Variants in DCAF7 observed in about 807,000 individuals in gnomAD.
DCAF7 encodes the protein DDB1- and CUL4-associated factor 7.
DCAF7 carries 4 observed loss-of-function variants against 41.2 expected under a neutral mutation model. The ratio of observed to expected loss-of-function variants is 0.10; its 90% CI spans 0.05 to 0.22. The LOEUF is 0.22. DCAF7 is among the 10% of genes least tolerant of loss of function. The pLI, the probability that DCAF7 is intolerant of heterozygous loss-of-function variation, is 1.00. For missense variants in DCAF7, 131 were observed against 443.2 expected (o/e 0.30, Z 6.32); for synonymous variants, 143 against 164.2 (o/e 0.87, Z 0.99).
Position 63,572,983 on chromosome 17 carries a change from G to A in DCAF7, c.139-5487G>A, listed in dbSNP as rs754273348. The stretch of plus-strand genomic sequence containing the variant: ...TCACCATGTTGCCCAGTCTAGTCTC[G>A]AATTCCTGGGCTCAAGCCATCCACC... On this transcript the variant is annotated intron_variant, in intron 1 of 6. Coordinates refer to ENST00000614556, the MANE Select transcript of DCAF7 (RefSeq NM_005828.5). Among the ~76,000 whole-genome samples the A allele has an allele frequency of 4.6e-5, 7 of 152,108 alleles. No individual in the cohort carries two copies. The South Asian group carries it at 6.2e-4, about 14-fold the overall frequency.
rs189505261 is a variant in DCAF7, at chr17:63,589,473, T to C, written c.*301T>C. On this transcript the variant is annotated 3_prime_UTR_variant, in exon 7 of 7. Transcript: ENST00000614556. ...GTATATTTGTTTGTCAGGCGTTGTG[T>C]TGAGGAGCAGTTCACGCACTGGCTG... is the stretch of plus-strand genomic sequence containing the variant. 104 of 409,984 alleles carry C rather than the reference T, an allele frequency of 2.5e-4. No individual in the cohort carries two copies. The highest frequency in any genetic ancestry group is 1.9e-3 in the African/African-American group (95 of 49,002). The allele number at this position is 409,984 out of a possible 1,614,324, so 25.4% of individuals were successfully genotyped here.
At chr17:63,563,030 T>A (rs1255302701) in intron 1 of DCAF7, among the ~76,000 whole-genome samples, 5 of 152,116 alleles carry the variant, frequency 3.3e-5, no homozygotes, top group African/African-American at 1.2e-4. Context: ...CTCGCCATAT[T>A]GCCCAGGCTG....
rs1329045172 is a variant in DCAF7 at position 63,578,704 on chromosome 17, AC to A, written c.297+77del. 4 of 1,594,132 alleles carry A rather than the reference AC, an allele frequency of 2.5e-6. No homozygotes were observed. The African/African-American group carries it at 5.4e-5, about 21-fold the overall frequency. Reference sequence around the variant, plus strand: ...GCTGTTAGCAGTGAAAAGTCACAGAACAGACAGGGGTCAGAGGCAGCGAGTG... The same window carrying A: ...GCTGTTAGCAGTGAAAAGTCACAGAAAGACAGGGGTCAGAGGCAGCGAGTG... On this transcript the variant is annotated intron_variant, in intron 2 of 6. Coordinates refer to ENST00000614556, the MANE Select transcript of DCAF7 (RefSeq NM_005828.5).
chr17:63,582,681 G>A (rs1381761858), intron 4 of DCAF7, among the ~76,000 whole-genome samples: 2 of 152,072 alleles, frequency 1.3e-5, no homozygotes, highest in Non-Finnish European at 2.9e-5. Context: ...GGGTTGGCCC[G>A]GATGGTCTTG....
chr17:63,580,049 AT>A, intron 4 of DCAF7, 106 bp downstream of exon 4: 1 of 785,956 alleles, frequency 1.3e-6, no homozygotes, highest in South Asian at 1.6e-5. Context: ...GTAGAAAATC[AT>A]AACATAACAT....
chr17:63,586,948 A>G lies in DCAF7; in HGVS notation c.856+1620A>G, dbSNP rs114490913. On this transcript the variant is annotated intron_variant, in intron 6 of 6. Transcript: ENST00000614556. ...CATAGATGACCTCTATCAACAGGTA[A>G]TGTGTCTCCTTCCAGACCCTTTTGG... is the stretch of plus-strand genomic sequence containing the variant. Among the ~76,000 whole-genome samples, 891 of 152,202 alleles carry G rather than the reference A, an allele frequency of 5.9e-3. 8 individuals carry two copies. Among genetic ancestry groups the G allele is most frequent in the African/African-American group, 0.02 (851 of 41,526 alleles).
In DCAF7 at chr17:63,550,927, A is replaced by G; in HGVS notation, c.138+112A>G. 1 of 1,466,518 alleles carries G rather than the reference A, an allele frequency of 6.8e-7. No homozygotes were observed. Among genetic ancestry groups the G allele is most frequent in the East Asian group, 2.5e-5 (1 of 40,326 alleles). The allele number at this position is 1,466,518 out of a possible 1,614,324, so 90.8% of individuals were successfully genotyped here. On this transcript the variant is annotated intron_variant, in intron 1 of 6. Transcript: ENST00000614556. The surrounding 1 kb of genome is among the most constrained non-coding windows in gnomAD (Gnocchi z 4.8). ...CCTCTTGCGGACTCGCCCTAGGGCCACGGAGCGGTTCCTCTGTCTGGCCCT... is the reference window on the plus strand; with the variant it reads ...CCTCTTGCGGACTCGCCCTAGGGCCGCGGAGCGGTTCCTCTGTCTGGCCCT...
At position 63,584,759 on chromosome 17, in the gene DCAF7, C is replaced by CA. The variant is rs942121023; in HGVS notation, c.739-443dup. Among the ~76,000 whole-genome samples the CA allele has an allele frequency of 3.9e-4, 58 of 149,932 alleles. 1 individual carries two copies. Among genetic ancestry groups the CA allele is most frequent in the African/African-American group, 6.9e-4 (28 of 40,844 alleles). ...CCTGGTGACAGGGCATGCTCTGTCT[C>CA]AAAAAAAAAGAAAAACAAATGGCAG... On this transcript the variant is annotated intron_variant, in intron 5 of 6. Transcript: ENST00000614556.
intron 1 of DCAF7, among the ~76,000 whole-genome samples, chr17:63,553,055 T>C (rs900084202): frequency 1.3e-5 from 2 of 152,234 alleles, no homozygotes; most frequent in African/African-American, 4.8e-5. Context: ...CTCATAGTTA[T>C]GTTTTCAAAT....
Position 63,589,241 on chromosome 17 carries a change from A to G in DCAF7, c.*69A>G. ...CTGCCTCTGCCCCACCCCCAAAGTA[A>G]GAAGAAACATGTTTCCAGTGGCCAG... On this transcript the variant is annotated 3_prime_UTR_variant, in exon 7 of 7. Transcript: ENST00000614556. 1 of 1,592,528 alleles carries G rather than the reference A, an allele frequency of 6.3e-7. No individual in the cohort carries two copies. Among genetic ancestry groups the G allele is most frequent in the Non-Finnish European group, 8.6e-7 (1 of 1,168,502 alleles).
intron 1 of DCAF7, among the ~76,000 whole-genome samples, chr17:63,565,314 C>A (rs1173962898): frequency 6.6e-6 from 1 of 152,120 alleles, no homozygotes; most frequent in Non-Finnish European, 1.5e-5. Flanking sequence ...GTGGCTCACA[C>A]CTGCAATCCC....
chr17:63,575,503 C>T (rs1201553474), intron 1 of DCAF7, among the ~76,000 whole-genome samples: 2 of 152,140 alleles, frequency 1.3e-5, no homozygotes, highest in Non-Finnish European at 2.9e-5. Flanking sequence ...AGTTAGCGAC[C>T]AGCCTAGCCG....
At chr17:63,568,754 CCAGTGGAA>C (rs2033472729) in intron 1 of DCAF7, among the ~76,000 whole-genome samples, 1 of 152,162 alleles carries the variant, frequency 6.6e-6, no homozygotes, top group South Asian at 2.1e-4. Context: ...CTGGACCCGG[CCAGTGGAA>C]AGCTGTTGTC....
At chr17:63,570,513 G>A (rs571687030) in intron 1 of DCAF7, among the ~76,000 whole-genome samples, 1 of 152,172 alleles carries the variant, frequency 6.6e-6, no homozygotes, top group African/African-American at 2.4e-5. Flanking sequence ...CCTAGATACT[G>A]GTCCTCTCAT....
At chr17:63,557,882 T>G (rs1832589664) in intron 1 of DCAF7, among the ~76,000 whole-genome samples, 1 of 152,136 alleles carries the variant, frequency 6.6e-6, no homozygotes, top group Non-Finnish European at 1.5e-5. Context: ...TTTAAAAAAT[T>G]TATCTTATTT....
intron 5 of DCAF7, 85 bp downstream of exon 5, chr17:63,583,796 C>A: frequency 7.3e-7 from 1 of 1,377,506 alleles, no homozygotes; most frequent in Non-Finnish European, 1.0e-6. Flanking sequence ...TCAACTGGAG[C>A]AGTTTGGCTC....
chr17:63,564,551 A>G (rs892137239), intron 1 of DCAF7, among the ~76,000 whole-genome samples: 17 of 152,172 alleles, frequency 1.1e-4, no homozygotes, highest in African/African-American at 3.9e-4. Flanking sequence ...GCCTCAGTGA[A>G]ACTTTCTGCT....
chr17:63,574,682 C>T (rs2033542436), intron 1 of DCAF7, among the ~76,000 whole-genome samples: 2 of 152,148 alleles, frequency 1.3e-5, no homozygotes, highest in African/African-American at 2.4e-5. Context: ...GAATTTAAAA[C>T]AGTTTCATGG....
intron 5 of DCAF7, among the ~76,000 whole-genome samples, chr17:63,584,396 A>G (rs959930589): frequency 6.6e-6 from 1 of 151,984 alleles, no homozygotes; most frequent in African/African-American, 2.4e-5. Flanking sequence ...TGAACCTGGT[A>G]GGCAGAGGTT....
Sources: allele counts gnomAD v4.1 joint callset (sites outside exome capture counted in the v4.1 genomes callset), GRCh38; gene constraint gnomAD v4.1.1; non-coding constraint Gnocchi (gnomAD v3.1); transcripts MANE v1.5; gene names NCBI Gene and HGNC (gene_info 2026-07-23, HGNC 2026-07-21).